The following C3orf18 variants were observed in gnomAD, a reference collection of about 807,000 sequenced individuals.
C3orf18 encodes the protein chromosome 3 open reading frame 18.
A neutral mutation model predicts 14.1 loss-of-function variants in C3orf18; 12 were observed. That is an observed-to-expected ratio of 0.85 (90% CI 0.55 to 1.38). The LOEUF is 1.38. C3orf18 is among the 40% of genes most tolerant of loss of function. The probability of loss-of-function intolerance (pLI) is 0.00; values close to 1 mark genes in which losing one functional copy is unlikely to be tolerated. For synonymous variants in C3orf18, 82 were observed against 87.9 expected, an observed-to-expected ratio of 0.93 and a Z score of 0.38; for missense variants, 196 against 213.9, an observed-to-expected ratio of 0.92 and a Z score of 0.52.
chr3:50,569,268 C>T (rs1243483195), upstream of C3orf18: 2 of 152,378 alleles, frequency 1.3e-5, no homozygotes, highest in Admixed American at 6.5e-5. Context: ...TAAGGAAGAC[C>T]GGCAGGTCCG....
chr3:50,558,773 A>G lies in C3orf18; in HGVS notation c.*884T>C. 3 of 1,289,822 alleles carry G rather than the reference A, an allele frequency of 2.3e-6. No individual in the cohort carries two copies. The highest frequency in any genetic ancestry group is 3.0e-6 in the Non-Finnish European group (3 of 988,868). 79.9% of individuals were successfully genotyped at this position (1,289,822 alleles called of 1,614,324 possible). On this transcript the variant is annotated 3_prime_UTR_variant, in exon 6 of 6. Transcript: ENST00000357203. ...GCTTCCCTCTTCCCTGCAGTCCCTG[A>G]AGATTGAAGGCAGAGAAGATAGCCT...
intron 1 of C3orf18, among the ~76,000 whole-genome samples, chr3:50,567,007 C>T (rs950343467): frequency 6.6e-6 from 1 of 152,120 alleles, no homozygotes; most frequent in East Asian, 1.9e-4. Context: ...GATGCATGGG[C>T]GTGTGTGAGA....
intron 3 of C3orf18, among the ~76,000 whole-genome samples, chr3:50,563,955 T>G (rs1232326562): frequency 6.6e-6 from 1 of 152,244 alleles, no homozygotes; most frequent in Non-Finnish European, 1.5e-5. Context: ...GGGAAAACAC[T>G]GGCATCCTGC....
intron 3 of C3orf18, among the ~76,000 whole-genome samples, chr3:50,564,701 A>C (rs1375747898): frequency 6.6e-6 from 1 of 152,328 alleles, no homozygotes; most frequent in East Asian, 1.9e-4. Context: ...GCAGGTACTC[A>C]GTAAATAATT....
At chr3:50,561,830 A>C in intron 3 of C3orf18, 83 bp from the exon 4 acceptor site, 1 of 1,441,988 alleles carries the variant, frequency 6.9e-7, no homozygotes, top group Non-Finnish European at 9.8e-7. Context: ...GGACATGCTG[A>C]GGCTGATGAA....
intron 4 of C3orf18, 75 bp from the exon 5 acceptor site, chr3:50,561,139 C>T: frequency 6.7e-7 from 1 of 1,490,068 alleles, no homozygotes; most frequent in African/African-American, 1.4e-5. Context: ...GCCCTGCCTC[C>T]TGACTAGCTG....
At chr3:50,564,874 CCT>C (rs1700193308) in intron 3 of C3orf18, among the ~76,000 whole-genome samples, 2 of 152,202 alleles carry the variant, frequency 1.3e-5, no homozygotes, top group South Asian at 4.1e-4. Context: ...CTCACAGAAC[CCT>C]CTGTCTGCCT....
At chr3:50,566,121 T>C (rs1700276449) in intron 1 of C3orf18, 27 bp from the exon 2 acceptor site, 1 of 157,470 alleles carries the variant, frequency 6.4e-6, no homozygotes. Flanking sequence ...GCAGCGGGGA[T>C]GTTTGAAAGA....
At chr3:50,573,458 T>C (rs1490546728), upstream of C3orf18, among the ~76,000 whole-genome samples, 1 of 152,184 alleles carries the variant, frequency 6.6e-6, no homozygotes, top group African/African-American at 2.4e-5. Flanking sequence ...GACTTTTGAG[T>C]TCCTTCAGAG....
upstream of C3orf18, chr3:50,571,039 C>CA (rs2107369317): frequency 7.7e-7 from 1 of 1,291,920 alleles, no homozygotes; most frequent in Non-Finnish European, 1.1e-6. Context: ...GCACTCACCT[C>CA]AGCAGCTGAC....
intron 4 of C3orf18, among the ~76,000 whole-genome samples, chr3:50,561,318 T>C (rs1038185292): frequency 1.3e-5 from 2 of 152,230 alleles, no homozygotes; most frequent in Admixed American, 6.5e-5. Context: ...CTGTCATCCA[T>C]GGGCCCCACA....
chr3:50,559,874 TG>T (rs60245666), intron 5 of C3orf18, 137 bp from the exon 6 acceptor site: 19,194 of 541,456 alleles, frequency 0.035, 2,604 homozygotes, highest in East Asian at 0.32. Context: ...ATGCCCTCCC[TG>T]CAAGCTCAGC....
upstream of C3orf18, chr3:50,569,908 C>T (rs1008872864): frequency 2.6e-5 from 4 of 152,216 alleles, no homozygotes; most frequent in East Asian, 1.9e-4. Flanking sequence ...GACCGCGGCT[C>T]GCTGCAACTT....
chr3:50,562,080 A>G (rs113014003), intron 3 of C3orf18, among the ~76,000 whole-genome samples: 12,511 of 152,182 alleles, frequency 0.082, 721 homozygotes, highest in Non-Finnish European at 0.12. Flanking sequence ...TTGTATTTTT[A>G]GTAGAGATGG....
At chr3:50,563,926 C>T (rs1457383536) in intron 3 of C3orf18, among the ~76,000 whole-genome samples, 1 of 152,266 alleles carries the variant, frequency 6.6e-6, no homozygotes, top group Non-Finnish European at 1.5e-5. Flanking sequence ...CATCTGCTTA[C>T]CCACTGCATG....
At chr3:50,573,089 C>T (rs149210822), upstream of C3orf18, among the ~76,000 whole-genome samples, 142 of 152,372 alleles carry the variant, frequency 9.3e-4, no homozygotes, top group Middle Eastern at 3.4e-3. Flanking sequence ...AGCCAAGAAA[C>T]TCTCTGACCC....
chr3:50,571,703 G>A (rs1700984482), upstream of C3orf18: 3 of 1,613,958 alleles, frequency 1.9e-6, no homozygotes, highest in Non-Finnish European at 2.5e-6. Context: ...ATTCTCTGTG[G>A]GGACAGTTTC....
chr3:50,571,816 A>G (rs757106403), upstream of C3orf18: 11 of 1,609,834 alleles, frequency 6.8e-6, no homozygotes, highest in Middle Eastern at 1.6e-4. Flanking sequence ...GCACCCATGG[A>G]TCAGACCTGA....
At chr3:50,571,041 G>A (rs1243886376), upstream of C3orf18, 2 of 1,303,678 alleles carry the variant, frequency 1.5e-6, no homozygotes, top group African/African-American at 1.5e-5. Flanking sequence ...ACTCACCTCA[G>A]CAGCTGACAT....
Sources: allele counts gnomAD v4.1 joint callset (sites outside exome capture counted in the v4.1 genomes callset), GRCh38; gene constraint gnomAD v4.1.1; transcripts MANE v1.5; gene names NCBI Gene and HGNC (gene_info 2026-07-23, HGNC 2026-07-21).